PSMC6: variants seen among roughly 807,000 people sequenced by gnomAD.
The protein encoded by PSMC6 is proteasome 26S subunit, ATPase 6, also known as 26S proteasome regulatory subunit 10B.
Under a neutral mutation model 55.9 loss-of-function variants are expected in PSMC6, and 3 were observed. The observed-to-expected ratio is 0.05, with a 90% CI of 0.02 to 0.14. The LOEUF is 0.14. Among genes scored for constraint, PSMC6 ranks in the 10% least tolerant of loss-of-function variants. The pLI, the probability that PSMC6 is intolerant of heterozygous loss-of-function variation, is 1.00. For synonymous variants in PSMC6, 137 were observed against 155.9 expected (o/e 0.88, Z 0.90); for missense variants, 210 against 478.7 (o/e 0.44, Z 5.24).
Position 52,719,026 on chromosome 14 carries a change from A to G in PSMC6, c.765A>G (p.Arg255=). ...EGTSADREIQ[R]TLMELLNQMD... ...CTTCAGCTGACAGAGAGATTCAGAGAACGTTAATGGAGGTAATATTTGGTA... is the reference window on the plus strand; with the variant it reads ...CTTCAGCTGACAGAGAGATTCAGAGGACGTTAATGGAGGTAATATTTGGTA... The change falls in exon 10 of 14, where the codon AGA becomes AGG. Residue 255 remains arginine, a synonymous_variant. Transcript: ENST00000445930. 6.2e-7 allele frequency: 1 copy of G among 1,611,488 alleles called. No individual in the cohort carries two copies. Among genetic ancestry groups the G allele is most frequent in the East Asian group, 2.2e-5 (1 of 44,852 alleles).
At chr14:52,718,886 T>C in intron 9 of PSMC6, 91 bp from the exon 10 acceptor site, 1 of 993,588 alleles carries the variant, frequency 1.0e-6, no homozygotes, top group Non-Finnish European at 1.5e-6. Flanking sequence ...TCTTAATGTT[T>C]TAAGCCACAG....
At chr14:52,717,385 A>G (rs2041841453) in intron 7 of PSMC6, among the ~76,000 whole-genome samples, 1 of 125,028 alleles carries the variant, frequency 8.0e-6, no homozygotes, top group Non-Finnish European at 1.6e-5. Context: ...CCCAGGCTGG[A>G]GTGCAGTGGC....
chr14:52,716,767 A>G (rs2041834228), intron 7 of PSMC6, among the ~76,000 whole-genome samples: 1 of 152,200 alleles, frequency 6.6e-6, no homozygotes, highest in Non-Finnish European at 1.5e-5. Context: ...AAAAAAAGAA[A>G]AAGAAATGTG....
At chr14:52,709,637 G>C (rs983626938) in intron 4 of PSMC6, 1 of 450,284 alleles carries the variant, frequency 2.2e-6, no homozygotes, top group East Asian at 7.2e-5. Flanking sequence ...GGACAAGACT[G>C]TATTTGAAGA....
chr14:52,718,121 G>T lies in PSMC6; in HGVS notation c.570G>T (p.Gln190His). The change falls in exon 8 of 14, where the codon CAG becomes CAT. Residue 190 changes from glutamine (Q) to histidine (H), a missense_variant. Coordinates refer to ENST00000445930, the MANE Select transcript of PSMC6 (RefSeq NM_002806.5). ...KTLLARAVAS[Q>H]LDCNFLKVVS... ...TCTTGGCACGAGCCGTTGCTAGCCA[G>T]CTGGACTGCAATTTCTTAAAGGTAA... 6.2e-7 allele frequency: 1 copy of T among 1,613,590 alleles called. No individual in the cohort carries two copies. Among genetic ancestry groups the T allele is most frequent in the South Asian group, 1.1e-5 (1 of 91,056 alleles).
intron 10 of PSMC6, 49 bp from the exon 11 acceptor site, chr14:52,720,812 T>C (rs754066687): frequency 6.7e-7 from 1 of 1,482,074 alleles, no homozygotes; most frequent in South Asian, 1.2e-5. Context: ...GTGTGCTATT[T>C]TTTTTAATGG....
chr14:52,708,677 G>T (rs1449548158), intron 3 of PSMC6, 87 bp from the exon 4 acceptor site: 6 of 1,580,986 alleles, frequency 3.8e-6, no homozygotes, highest in Non-Finnish European at 5.2e-6. Context: ...TTGGAGGACA[G>T]AAATACAACT....
At chr14:52,712,517 G>C (rs1027584925) in intron 6 of PSMC6, among the ~76,000 whole-genome samples, 1 of 152,076 alleles carries the variant, frequency 6.6e-6, no homozygotes, top group African/African-American at 2.4e-5. Flanking sequence ...AGAATCCCAT[G>C]TATACATGCA....
At chr14:52,718,940 G>T (rs753974220) in intron 9 of PSMC6, 37 bp from the exon 10 acceptor site, 2 of 1,484,280 alleles carry the variant, frequency 1.3e-6, no homozygotes, top group South Asian at 1.1e-5. Flanking sequence ...TAGAGGAAAA[G>T]AGTAATGCAT....
intron 13 of PSMC6, among the ~76,000 whole-genome samples, chr14:52,726,905 G>A (rs1027088382): frequency 1.3e-5 from 2 of 152,056 alleles, no homozygotes; most frequent in Non-Finnish European, 2.9e-5. Flanking sequence ...GCCTCCCAAA[G>A]TGTTGGGATT....
chr14:52,715,019 A>T (rs1252091380), intron 7 of PSMC6, among the ~76,000 whole-genome samples: 1 of 152,150 alleles, frequency 6.6e-6, no homozygotes, highest in African/African-American at 2.4e-5. Flanking sequence ...ATGGTGCAAG[A>T]GCACCATGGG....
chr14:52,726,615 A>G (rs576617119), intron 13 of PSMC6, among the ~76,000 whole-genome samples: 1 of 152,116 alleles, frequency 6.6e-6, no homozygotes, highest in Non-Finnish European at 1.5e-5. Flanking sequence ...CTACAATCAG[A>G]TACAGGGACC....
intron 6 of PSMC6, among the ~76,000 whole-genome samples, chr14:52,713,529 A>AT (rs2041797914): frequency 6.6e-6 from 1 of 152,108 alleles, no homozygotes; most frequent in South Asian, 2.1e-4. Flanking sequence ...GACTTAACTG[A>AT]TTTTTTTGTG....
rs1319116873 is a variant in PSMC6, at chr14:52,716,734, CAA to C, written c.530-1346_530-1345del. 3.3e-5 allele frequency among the ~76,000 whole-genome samples: 5 copies of C among 151,170 alleles called. No individual in the cohort carries two copies. The East Asian group carries it at 9.7e-4, about 29-fold the overall frequency. ...TGCCATTGCACTCCAGCCTGGGCAA[CAA>C]GAGTGAAACTCCATCTCAAAAAAAA... On this transcript the variant is annotated intron_variant, in intron 7 of 13. Coordinates refer to ENST00000445930, the MANE Select transcript of PSMC6 (RefSeq NM_002806.5).
At chr14:52,714,126 T>C in intron 7 of PSMC6, 158 bp downstream of exon 7, 1 of 460,166 alleles carries the variant, frequency 2.2e-6, no homozygotes, top group Admixed American at 4.0e-5. Context: ...CTGCAACCTC[T>C]GCCTTCCGGG....
intron 13 of PSMC6, among the ~76,000 whole-genome samples, chr14:52,726,848 G>T (rs1014037519): frequency 6.6e-6 from 1 of 151,914 alleles, no homozygotes; most frequent in African/African-American, 2.4e-5. Context: ...TACCATGTTG[G>T]CTAGGCTGGT....
chr14:52,714,865 C>CAAAA lies in PSMC6; in HGVS notation c.529+917_529+920dup, dbSNP rs373579933. On this transcript the variant is annotated intron_variant, in intron 7 of 13. Transcript: ENST00000445930. ...TGGCTGACAGAGTGAGACTCCTTCT[C>CAAAA]AAAAAAAAAAAAAAAAAAAAAAATT... Among the ~76,000 whole-genome samples, 12 of 67,088 alleles carry CAAAA rather than the reference C, an allele frequency of 1.8e-4. 1 individual carries two copies. Among genetic ancestry groups the CAAAA allele is most frequent in the South Asian group, 6.1e-4 (1 of 1,628 alleles). 44.0% of individuals were successfully genotyped at this position (67,088 alleles called of 152,430 possible). A position where few individuals can be genotyped will look rare whatever the true frequency, so the allele number is the denominator to read the frequency against.
intron 4 of PSMC6, 66 bp downstream of exon 4, chr14:52,708,882 T>C (rs79085791): frequency 1.9e-6 from 3 of 1,592,764 alleles, no homozygotes; most frequent in East Asian, 4.5e-5. Flanking sequence ...TTATTGTCTC[T>C]AATTCTTGAG....
intron 6 of PSMC6, 114 bp downstream of exon 6, chr14:52,711,638 A>C (rs1397813429): frequency 5.5e-6 from 3 of 548,168 alleles, no homozygotes; most frequent in Non-Finnish European, 9.4e-6. Flanking sequence ...GGTAGTTAAG[A>C]ATATTATGTA....
Sources: allele counts gnomAD v4.1 joint callset (sites outside exome capture counted in the v4.1 genomes callset), GRCh38; gene constraint gnomAD v4.1.1; transcripts MANE v1.5; gene names NCBI Gene and HGNC (gene_info 2026-07-23, HGNC 2026-07-21).